PARD3B: variants seen among roughly 807,000 people sequenced by gnomAD.
PARD3B encodes the protein par-3 family cell polarity regulator beta.
PARD3B carries 103 observed loss-of-function variants against 130.2 expected under a neutral mutation model. The ratio of observed to expected loss-of-function variants is 0.79; its 90% CI spans 0.67 to 0.93. PARD3B has a LOEUF of 0.93. Among genes scored for constraint, PARD3B ranks in the 40% least tolerant of loss-of-function variants. PARD3B has a pLI of 0.00. For missense variants in PARD3B, 1,609 were observed against 1,499.2 expected (o/e 1.07, Z -1.21); for synonymous variants, 583 against 553.2 (o/e 1.05, Z -0.76).
intron 1 of PARD3B, among the ~76,000 whole-genome samples, chr2:204,553,315 T>G (rs1378152861): frequency 6.6e-6 from 1 of 152,006 alleles, no homozygotes; most frequent in African/African-American, 2.4e-5. Context: ...TGTAAACTAG[T>G]ACAACCACTA....
rs1456553447 is a variant in PARD3B at position 205,591,006 on chromosome 2, G to A, written c.3261-24450G>A. On this transcript the variant is annotated intron_variant, in intron 22 of 22. Coordinates refer to ENST00000406610, the MANE Select transcript of PARD3B (RefSeq NM_001302769.2). The surrounding 1 kb of genome is among the most constrained non-coding windows in gnomAD (Gnocchi z 4.2). ...AGACCAGGATGGTCTCTTGGCTGTT[G>A]CCCAACTTCCTTTGGGTTTGGCTGC... Among the ~76,000 whole-genome samples, 1 of 152,064 alleles carries A rather than the reference G, an allele frequency of 6.6e-6. No individual in the cohort carries two copies. The highest frequency in any genetic ancestry group is 1.9e-4 in the East Asian group (1 of 5,166).
At chr2:204,918,728 G>A (rs904024018) in intron 2 of PARD3B, among the ~76,000 whole-genome samples, 2 of 152,018 alleles carry the variant, frequency 1.3e-5, no homozygotes, top group African/African-American at 4.8e-5. Flanking sequence ...TAAGATACTC[G>A]ATGTGCAGTT....
At chr2:204,732,657 AT>A (rs1401551356) in intron 2 of PARD3B, among the ~76,000 whole-genome samples, 1 of 151,770 alleles carries the variant, frequency 6.6e-6, no homozygotes, top group Non-Finnish European at 1.5e-5. Context: ...TCTTCTTCAC[AT>A]CTCCCCCTTT....
chr2:204,850,853 G>C (rs2125605514), intron 2 of PARD3B, among the ~76,000 whole-genome samples: 1 of 152,286 alleles, frequency 6.6e-6, no homozygotes, highest in South Asian at 2.1e-4. Flanking sequence ...GTATACGCCT[G>C]TTTTTGTATT....
At chr2:205,037,522 T>C (rs1175454475) in intron 3 of PARD3B, among the ~76,000 whole-genome samples, 3 of 147,998 alleles carry the variant, frequency 2.0e-5, no homozygotes, top group Non-Finnish European at 4.5e-5. Flanking sequence ...ATATATAAAA[T>C]ATGTATATAG....
At chr2:204,691,918 C>G (rs1468362385) in intron 2 of PARD3B, among the ~76,000 whole-genome samples, 1 of 151,988 alleles carries the variant, frequency 6.6e-6, no homozygotes, top group Non-Finnish European at 1.5e-5. Context: ...AATGAAAATG[C>G]CAGTATGATT....
At position 205,461,987 on chromosome 2, in the gene PARD3B, C is replaced by T. The variant is rs1427355300; in HGVS notation, c.3044+21315C>T. Among the ~76,000 whole-genome samples, 1 of 152,202 alleles carries T rather than the reference C, an allele frequency of 6.6e-6. No individual in the cohort carries two copies. The highest frequency in any genetic ancestry group is 1.5e-5 in the Non-Finnish European group (1 of 68,026). On this transcript the variant is annotated intron_variant, in intron 20 of 22. Coordinates refer to ENST00000406610, the MANE Select transcript of PARD3B (RefSeq NM_001302769.2). The surrounding 1 kb of genome is among the most constrained non-coding windows in gnomAD (Gnocchi z 4.3). ...TGTGACAATGGCCTAATGGAATGGA[C>T]TTCTTTGTAAGCATGACTTACCTTA...
intron 18 of PARD3B, among the ~76,000 whole-genome samples, chr2:205,380,796 A>G (rs2045359156): frequency 9.6e-6 from 1 of 103,768 alleles, no homozygotes; most frequent in Non-Finnish European, 1.7e-5. Context: ...TACATTATAT[A>G]TAATATATAA....
chr2:205,311,714 T>A (rs2042392938), intron 18 of PARD3B, among the ~76,000 whole-genome samples: 1 of 152,200 alleles, frequency 6.6e-6, no homozygotes, highest in African/African-American at 2.4e-5. Context: ...ATTCAATCAT[T>A]TATATTTTAT....
intron 15 of PARD3B, among the ~76,000 whole-genome samples, chr2:205,216,026 TA>T (rs1177224654): frequency 3.3e-5 from 5 of 152,148 alleles, no homozygotes; most frequent in Non-Finnish European, 7.4e-5. Context: ...TGTATGTATA[TA>T]TATAATCATG....
chr2:204,630,174 C>T (rs2034627436), intron 1 of PARD3B, among the ~76,000 whole-genome samples: 1 of 152,038 alleles, frequency 6.6e-6, no homozygotes, highest in Non-Finnish European at 1.5e-5. Context: ...TAGTGTTATA[C>T]TCAATCTGAT....
intron 2 of PARD3B, among the ~76,000 whole-genome samples, chr2:204,846,813 A>G (rs1274937116): frequency 6.6e-6 from 1 of 151,854 alleles, no homozygotes; most frequent in Non-Finnish European, 1.5e-5. Flanking sequence ...TAATTCTTAT[A>G]CCAGGAGATT....
At chr2:204,888,071 G>A (rs1393404687) in intron 2 of PARD3B, among the ~76,000 whole-genome samples, 2 of 152,134 alleles carry the variant, frequency 1.3e-5, no homozygotes, top group African/African-American at 4.8e-5. Context: ...TGAGGGGGCT[G>A]AGATCAGAAG....
chr2:205,454,861 A>C (rs1312069842), intron 20 of PARD3B, among the ~76,000 whole-genome samples: 2 of 152,172 alleles, frequency 1.3e-5, no homozygotes, highest in Non-Finnish European at 2.9e-5. Context: ...AGGTGTAGTC[A>C]CATCTTACAG....
At chr2:205,213,316 A>G (rs2037743956) in intron 15 of PARD3B, among the ~76,000 whole-genome samples, 3 of 152,108 alleles carry the variant, frequency 2.0e-5, no homozygotes, top group African/African-American at 7.2e-5. Context: ...ATATCTTAGC[A>G]CAGAATGGCA....
chr2:204,588,351 A>C (rs1559171730), intron 1 of PARD3B, among the ~76,000 whole-genome samples: 2 of 152,214 alleles, frequency 1.3e-5, no homozygotes, highest in Admixed American at 1.3e-4. Context: ...GAAGATGCTG[A>C]AACTCCTGGA....
At chr2:204,720,597 T>A (rs775886590) in intron 2 of PARD3B, among the ~76,000 whole-genome samples, 1 of 152,152 alleles carries the variant, frequency 6.6e-6, no homozygotes, top group Non-Finnish European at 1.5e-5. Context: ...CTCATTGAGA[T>A]CTTGAAGCAG....
At chr2:205,206,700 A>G (rs1398701349) in intron 15 of PARD3B, among the ~76,000 whole-genome samples, 1 of 152,084 alleles carries the variant, frequency 6.6e-6, no homozygotes, top group Non-Finnish European at 1.5e-5. Flanking sequence ...TCTTTATAGC[A>G]GCATGCTTTA....
intron 15 of PARD3B, among the ~76,000 whole-genome samples, chr2:205,211,537 G>A (rs943587383): frequency 2.6e-5 from 4 of 151,242 alleles, no homozygotes; most frequent in South Asian, 2.1e-4. Flanking sequence ...CGATAATAAC[G>A]CAATAAGTGA....
Sources: gnomAD v4.1 joint callset for allele counts (sites outside exome capture counted in the v4.1 genomes callset) on GRCh38, gnomAD v4.1.1 for gene constraint, Gnocchi (gnomAD v3.1) non-coding constraint, MANE v1.5 for transcripts, NCBI Gene and HGNC (gene_info 2026-07-23, HGNC 2026-07-21) for gene names.